Variants in MAPK14 observed in about 807,000 individuals in gnomAD.
The protein encoded by MAPK14 is mitogen-activated protein kinase 14.
MAPK14 carries 16 observed loss-of-function variants against 49.6 expected under a neutral mutation model. The observed-to-expected ratio is 0.32, with a 90% confidence interval of 0.22 to 0.49. MAPK14 has a LOEUF of 0.49. Among genes scored for constraint, MAPK14 ranks in the 20% least tolerant of loss-of-function variants. The probability of loss-of-function intolerance (pLI) is 0.99; values close to 1 mark genes in which losing one functional copy is unlikely to be tolerated. For missense variants in MAPK14, 200 were observed against 441.2 expected, an observed-to-expected ratio of 0.45 and a Z score of 4.90; for synonymous variants, 142 against 158.0, an observed-to-expected ratio of 0.90 and a Z score of 0.76.
intron 1 of MAPK14, among the ~76,000 whole-genome samples, chr6:36,033,409 C>T (rs891581300): frequency 1.3e-5 from 2 of 151,980 alleles, no homozygotes; most frequent in African/African-American, 2.4e-5. Context: ...CTCTGCCTCC[C>T]GAGTTCAAGC....
At chr6:36,086,876 C>G (rs951139723) in intron 8 of MAPK14, among the ~76,000 whole-genome samples, 1 of 152,150 alleles carries the variant, frequency 6.6e-6, no homozygotes, top group Non-Finnish European at 1.5e-5. Flanking sequence ...TGATGAACAT[C>G]GATGCAAAAA....
chr6:36,103,876 T>C (rs1351569752), intron 10 of MAPK14, among the ~76,000 whole-genome samples: 2 of 152,220 alleles, frequency 1.3e-5, no homozygotes, highest in African/African-American at 2.4e-5. Context: ...TTTTAAAATC[T>C]CACTGCATTT....
At chr6:36,105,425 A>AG (rs398001178) in intron 10 of MAPK14, among the ~76,000 whole-genome samples, 1 of 151,376 alleles carries the variant, frequency 6.6e-6, no homozygotes, top group Non-Finnish European at 1.5e-5. Context: ...TCTTTGAGGA[A>AG]TTTGTTCTTG....
At chr6:36,119,398 G>A in the MAPK14 span, among the ~76,000 whole-genome samples, 2 of 152,238 alleles carry the variant, frequency 1.3e-5, no homozygotes, top group Non-Finnish European at 2.9e-5. Flanking sequence ...CATAGCTGCG[G>A]TTCTAGGTAA....
chr6:36,029,716 T>C (rs1051077539), intron 1 of MAPK14, among the ~76,000 whole-genome samples: 2 of 152,206 alleles, frequency 1.3e-5, no homozygotes, highest in African/African-American at 4.8e-5. Flanking sequence ...ACAGATCATA[T>C]TGCATTTTCT....
chr6:36,112,628 G>A (rs1357210609), downstream of MAPK14, among the ~76,000 whole-genome samples: 7 of 152,156 alleles, frequency 4.6e-5, no homozygotes, highest in Admixed American at 4.6e-4. Flanking sequence ...TTTTCAGAAG[G>A]CCTCTTGATA....
intron 3 of MAPK14, among the ~76,000 whole-genome samples, chr6:36,065,046 C>G (rs889666757): frequency 6.6e-6 from 1 of 152,184 alleles, no homozygotes; most frequent in African/African-American, 2.4e-5. Context: ...TCCCCACATA[C>G]CTACATGACT....
At chr6:36,083,089 G>A (rs1764829548) in intron 8 of MAPK14, among the ~76,000 whole-genome samples, 1 of 152,204 alleles carries the variant, frequency 6.6e-6, no homozygotes, top group South Asian at 2.1e-4. Context: ...GCAATCAGAG[G>A]CTTCCAACAA....
Position 36,107,402 on chromosome 6 carries a change from C to T in MAPK14, c.842-53C>T, listed in dbSNP as rs555783483. 6.8e-5 allele frequency: 92 copies of T among 1,360,252 alleles called. No individual in the cohort carries two copies. Among genetic ancestry groups the T allele is most frequent in the Admixed American group, 1.0e-4 (4 of 40,004 alleles). 84.3% of individuals were successfully genotyped at this position (1,360,252 alleles called of 1,614,324 possible). ...AACTATGTTTGCTCAATAAGGCATACTTTTTTGTAACATGTTAAAAACTCT... is the reference window on the plus strand; with the variant it reads ...AACTATGTTTGCTCAATAAGGCATATTTTTTTGTAACATGTTAAAAACTCT... On this transcript the variant is annotated intron_variant, in intron 10 of 11. Coordinates refer to ENST00000229794, the MANE Select transcript of MAPK14 (RefSeq NM_139012.3). The surrounding 1 kb of genome is among the most constrained non-coding windows in gnomAD (Gnocchi z 4.3).
chr6:36,082,681 G>C (rs1298476943), intron 8 of MAPK14, among the ~76,000 whole-genome samples: 2 of 152,102 alleles, frequency 1.3e-5, no homozygotes, highest in African/African-American at 4.8e-5. Flanking sequence ...TGTGGGGAGG[G>C]AACCAAGCCA....
chr6:36,064,813 G>A (rs1763979404), intron 3 of MAPK14, among the ~76,000 whole-genome samples: 1 of 152,202 alleles, frequency 6.6e-6, no homozygotes, highest in African/African-American at 2.4e-5. Flanking sequence ...GGCTGTTAAT[G>A]GGAGAGAAGA....
At chr6:36,087,798 A>G (rs1437805454) in intron 8 of MAPK14, among the ~76,000 whole-genome samples, 1 of 152,254 alleles carries the variant, frequency 6.6e-6, no homozygotes, top group Non-Finnish European at 1.5e-5. Context: ...TAAAATTCAT[A>G]TGGAACCAAA....
At chr6:36,086,134 C>T (rs1043301243) in intron 8 of MAPK14, among the ~76,000 whole-genome samples, 1 of 152,152 alleles carries the variant, frequency 6.6e-6, no homozygotes, top group African/African-American at 2.4e-5. Context: ...ATACCAGAAT[C>T]TCTGGGACAC....
chr6:36,054,147 T>C (rs1287881640), intron 2 of MAPK14, among the ~76,000 whole-genome samples: 1 of 152,208 alleles, frequency 6.6e-6, no homozygotes, highest in Admixed American at 6.5e-5. Flanking sequence ...CTTTAAGGGA[T>C]GTGTTTGCGT....
intron 2 of MAPK14, 85 bp from the exon 3 acceptor site, chr6:36,059,202 CTT>C: frequency 3.5e-6 from 3 of 865,394 alleles, no homozygotes; most frequent in East Asian, 2.7e-5. Flanking sequence ...GACCCTGACT[CTT>C]TAAAAAAAAA....
At chr6:36,073,115 A>G (rs2127441875) in intron 4 of MAPK14, 131 bp downstream of exon 4, 1 of 680,336 alleles carries the variant, frequency 1.5e-6, no homozygotes, top group Non-Finnish European at 2.6e-6. Flanking sequence ...GGTAAAGGTC[A>G]TATAGTACAG....
At chr6:36,068,633 G>A (rs1403699056) in intron 3 of MAPK14, among the ~76,000 whole-genome samples, 2 of 152,124 alleles carry the variant, frequency 1.3e-5, no homozygotes, top group Non-Finnish European at 2.9e-5. Flanking sequence ...AGGACTGATA[G>A]TAGTAAGAGA....
chr6:36,108,604 A>C lies in MAPK14; in HGVS notation c.*157A>C. ...TGTGCGTGCGTGTTAGTGTGTGTGC[A>C]TGTGTGTGTCTGTCTTTGTGGGAGG... On this transcript the variant is annotated 3_prime_UTR_variant, in exon 12 of 12. Transcript: ENST00000229794. 1.5e-6 allele frequency: 1 copy of C among 648,582 alleles called. No homozygotes were observed. Among genetic ancestry groups the C allele is most frequent in the South Asian group, 1.7e-5 (1 of 58,724 alleles). The allele number at this position is 648,582 out of a possible 1,614,324, so 40.2% of individuals were successfully genotyped here.
At chr6:36,074,244 C>T in intron 6 of MAPK14, 148 bp downstream of exon 6, 1 of 572,876 alleles carries the variant, frequency 1.7e-6, no homozygotes, top group African/African-American at 1.9e-5. Flanking sequence ...AAATTTAAAC[C>T]ATTTCTGAGT....
Sources: gnomAD v4.1 joint callset for allele counts (sites outside exome capture counted in the v4.1 genomes callset) on GRCh38, gnomAD v4.1.1 for gene constraint, Gnocchi (gnomAD v3.1) non-coding constraint, MANE v1.5 for transcripts, NCBI Gene and HGNC (gene_info 2026-07-23, HGNC 2026-07-21) for gene names.